Variants in PITPNC1 observed in about 807,000 individuals in gnomAD.
PITPNC1 encodes cytoplasmic phosphatidylinositol transfer protein 1.
In PITPNC1, 18 loss-of-function variants were observed where a neutral mutation model predicts 44.7. That is an observed-to-expected ratio of 0.40 (90% CI 0.28 to 0.60). The LOEUF is 0.60. PITPNC1 is among the 20% of genes least tolerant of loss of function. The pLI, the probability that PITPNC1 is intolerant of heterozygous loss-of-function variation, is 0.39. For synonymous variants in PITPNC1, 141 were observed against 149.6 expected, an observed-to-expected ratio of 0.94 and a Z score of 0.42; for missense variants, 290 against 418.4, an observed-to-expected ratio of 0.69 and a Z score of 2.68.
Position 67,414,294 on chromosome 17 carries a change from A to G in PITPNC1, c.48+36092A>G, listed in dbSNP as rs548014183. ...AATACCCAAAACCTGGAAACAATCC[A>G]GATGCCCACCAATAGGTGAATGCAT... On this transcript the variant is annotated intron_variant, in intron 1 of 8. Coordinates refer to ENST00000581322, the MANE Select transcript of PITPNC1 (RefSeq NM_012417.4). Among the ~76,000 whole-genome samples the G allele has an allele frequency of 6.6e-5, 10 of 152,364 alleles. No homozygotes were observed. The East Asian group carries it at 1.9e-3, about 29-fold the overall frequency.
rs1487562074 is a variant in PITPNC1 at position 67,532,754 on chromosome 17, G to T, written c.49-48G>T. The T allele has an allele frequency of 2.2e-5, 33 of 1,486,900 alleles. No homozygotes were observed. The Admixed American group carries it at 6.8e-4, about 30-fold the overall frequency. The allele number at this position is 1,486,900 out of a possible 1,614,324, so 92.1% of individuals were successfully genotyped here. A position where few individuals can be genotyped will look rare whatever the true frequency, so the allele number is the denominator to read the frequency against. On this transcript the variant is annotated intron_variant, in intron 1 of 8. Transcript: ENST00000581322. ...AAGCTATGGTTGGAGGGGGATGTCA[G>T]GGGCACGCTGTGGGGCTGACCTTTC...
chr17:67,606,301 G>T (rs1243526732), intron 5 of PITPNC1, among the ~76,000 whole-genome samples: 1 of 152,192 alleles, frequency 6.6e-6, no homozygotes, highest in Non-Finnish European at 1.5e-5. Context: ...TTGGGGAAAA[G>T]CATCTTTTCC....
chr17:67,501,988 A>G (rs1029267465), intron 1 of PITPNC1, among the ~76,000 whole-genome samples: 1 of 152,238 alleles, frequency 6.6e-6, no homozygotes, highest in Non-Finnish European at 1.5e-5. Flanking sequence ...TGAGTATTAA[A>G]TTAACGAGGA....
chr17:67,453,451 A>G (rs1196949903), intron 1 of PITPNC1, among the ~76,000 whole-genome samples: 2 of 152,164 alleles, frequency 1.3e-5, no homozygotes, highest in East Asian at 3.9e-4. Flanking sequence ...CAGCTGGGTT[A>G]TTGGCTACTC....
intron 5 of PITPNC1, among the ~76,000 whole-genome samples, chr17:67,620,663 A>C (rs2041817824): frequency 6.6e-6 from 1 of 152,136 alleles, no homozygotes. Flanking sequence ...CCAAAGGCCT[A>C]ATGATATTGT....
At chr17:67,489,239 C>T (rs2364970) in intron 1 of PITPNC1, among the ~76,000 whole-genome samples, 24,650 of 152,156 alleles carry the variant, frequency 0.16, 2,295 homozygotes, top group Non-Finnish European at 0.21. Flanking sequence ...CTCCTTTTGC[C>T]TCCAGGTACA....
intron 1 of PITPNC1, among the ~76,000 whole-genome samples, chr17:67,409,195 C>T (rs1334883806): frequency 6.7e-6 from 1 of 149,946 alleles, no homozygotes; most frequent in Admixed American, 6.7e-5. Flanking sequence ...CGCCATTCTC[C>T]TGCCTCAGCC....
intron 2 of PITPNC1, among the ~76,000 whole-genome samples, chr17:67,544,717 G>T (rs2040654841): frequency 1.3e-5 from 2 of 152,222 alleles, no homozygotes. Context: ...TAACTGATGG[G>T]CTTGCAAAGC....
chr17:67,575,417 A>C (rs2041126983), intron 4 of PITPNC1, among the ~76,000 whole-genome samples: 1 of 152,206 alleles, frequency 6.6e-6, no homozygotes, highest in South Asian at 2.1e-4. Flanking sequence ...TGTTCTCCAT[A>C]AAGGCAATTA....
rs181661532 is a variant in PITPNC1 at position 67,414,150 on chromosome 17, C to A, written c.48+35948C>A. Among the ~76,000 whole-genome samples, 936 of 150,256 alleles carry A rather than the reference C, an allele frequency of 6.2e-3. 9 individuals carry two copies. The highest frequency in any genetic ancestry group is 5.4e-3 in the Non-Finnish European group (366 of 67,850). ...GTGTTGGACTCCCATGTACCCTCAA[C>A]CCAGCCTTATCAGTTTTCAAACCAT... is the stretch of plus-strand genomic sequence containing the variant. On this transcript the variant is annotated intron_variant, in intron 1 of 8. Coordinates refer to ENST00000581322, the MANE Select transcript of PITPNC1 (RefSeq NM_012417.4).
At chr17:67,535,858 C>T (rs35706170) in intron 2 of PITPNC1, among the ~76,000 whole-genome samples, 4,432 of 152,288 alleles carry the variant, frequency 0.029, 91 homozygotes, top group Middle Eastern at 0.058. Flanking sequence ...TGGGTTCTGA[C>T]ATCTAGGGAC....
In PITPNC1 at chr17:67,696,601, C is replaced by T. The variant is rs962323242; in HGVS notation, c.*3713C>T. On this transcript the variant is annotated 3_prime_UTR_variant, in exon 9 of 9. Coordinates refer to ENST00000581322, the MANE Select transcript of PITPNC1 (RefSeq NM_012417.4). ...ATTTAAAAAGTCTGTCCAGTGACTG[C>T]AATCTGATTATGAATAAACTATTTT... 1 of 152,220 alleles carries T rather than the reference C, an allele frequency of 6.6e-6. No individual in the cohort carries two copies. The highest frequency in any genetic ancestry group is 2.4e-5 in the African/African-American group (1 of 41,458). The allele number at this position is 152,220 out of a possible 1,614,324, so 9.4% of individuals were successfully genotyped here. A position where few individuals can be genotyped will look rare whatever the true frequency, so the allele number is the denominator to read the frequency against.
Position 67,578,179 on chromosome 17 carries a change from C to T in PITPNC1, c.295-7C>T, listed in dbSNP as rs1332156896. The T allele has an allele frequency of 1.2e-6, 2 of 1,600,530 alleles. No individual in the cohort carries two copies. Among genetic ancestry groups the T allele is most frequent in the Admixed American group, 1.7e-5 (1 of 60,012 alleles). On this transcript the variant is annotated splice_polypyrimidine_tract_variant and splice_region_variant and intron_variant, in intron 4 of 8. Coordinates refer to ENST00000581322, the MANE Select transcript of PITPNC1 (RefSeq NM_012417.4). The stretch of plus-strand genomic sequence containing the variant: ...TATGCTAATGAAAATTTGCTTTTCT[C>T]CCACAGTGTTCCTTTCTGCCGAAAT...
Position 67,569,835 on chromosome 17 carries a change from A to G in PITPNC1, c.295-8351A>G, listed in dbSNP as rs368981014. On this transcript the variant is annotated intron_variant, in intron 4 of 8. Transcript: ENST00000581322. Reference sequence around the variant, plus strand: ...GGATGTAATTAAGTGAATATTTTCTATGATGCTTTCTCTGCTTTATTCTCC... The same window carrying G: ...GGATGTAATTAAGTGAATATTTTCTGTGATGCTTTCTCTGCTTTATTCTCC... 1.4e-4 allele frequency among the ~76,000 whole-genome samples: 22 copies of G among 152,318 alleles called. No homozygotes were observed. In the South Asian group the frequency reaches 3.9e-3, roughly 27 times the overall value.
At position 67,552,483 on chromosome 17, in the gene PITPNC1, T is replaced by C. The variant is rs537606672; in HGVS notation, c.286+138T>C. 15 of 619,856 alleles carry C rather than the reference T, an allele frequency of 2.4e-5. No individual in the cohort carries two copies. The Admixed American group carries it at 3.6e-4, about 15-fold the overall frequency. The allele number at this position is 619,856 out of a possible 1,614,324, so 38.4% of individuals were successfully genotyped here. A position where few individuals can be genotyped will look rare whatever the true frequency, so the allele number is the denominator to read the frequency against. Reference sequence around the variant, plus strand: ...AGTATCCCTCTTTTTTTTTTTGGTTTCTTACTTGTAGGTTATCAACACTTC... The same window carrying C: ...AGTATCCCTCTTTTTTTTTTTGGTTCCTTACTTGTAGGTTATCAACACTTC... On this transcript the variant is annotated intron_variant, in intron 3 of 8. Transcript: ENST00000581322.
intron 1 of PITPNC1, among the ~76,000 whole-genome samples, chr17:67,382,973 T>C (rs115703756): frequency 2.2e-3 from 336 of 151,618 alleles, no homozygotes; most frequent in African/African-American, 6.8e-3. Flanking sequence ...TGATTTATAA[T>C]TGAGCCATTT....
chr17:67,433,222 T>G (rs573618141), intron 1 of PITPNC1, among the ~76,000 whole-genome samples: 1 of 152,284 alleles, frequency 6.6e-6, no homozygotes, highest in South Asian at 2.1e-4. Flanking sequence ...CAGGAAAGAA[T>G]TTAGTTGGGC....
rs114716331 is a variant in PITPNC1 at position 67,380,027 on chromosome 17, T to C, written c.48+1825T>C. On this transcript the variant is annotated intron_variant, in intron 1 of 8. Transcript: ENST00000581322. ...CCGTGGGGTAATTACATTTGAATGA[T>C]ATAGGTGGAGGCCCTTCCTTCCTTC... 2.8e-3 allele frequency among the ~76,000 whole-genome samples: 430 copies of C among 152,202 alleles called. 4 individuals are homozygous for C. Among genetic ancestry groups the C allele is most frequent in the African/African-American group, 0.01 (416 of 41,548 alleles).
intron 5 of PITPNC1, among the ~76,000 whole-genome samples, chr17:67,606,433 A>C (rs1366651345): frequency 3.3e-5 from 5 of 152,218 alleles, no homozygotes; most frequent in Non-Finnish European, 5.9e-5. Flanking sequence ...TAGAGAGTGA[A>C]GTTTCGCACT....
Sources: allele counts gnomAD v4.1 joint callset (sites outside exome capture counted in the v4.1 genomes callset), GRCh38; gene constraint gnomAD v4.1.1; transcripts MANE v1.5; gene names NCBI Gene and HGNC (gene_info 2026-07-23, HGNC 2026-07-21).